The following HEXB variants were observed in gnomAD, a reference collection of about 807,000 sequenced individuals.
HEXB encodes the protein beta-hexosaminidase subunit beta.
Under a neutral mutation model 71.2 loss-of-function variants are expected in HEXB, and 51 were observed. That is an observed-to-expected ratio of 0.72 (90% CI 0.57 to 0.90). The LOEUF (loss-of-function observed/expected upper bound fraction) is 0.90. Ranked by LOEUF, HEXB falls within the 40% of genes least tolerant of loss-of-function variation. The probability of loss-of-function intolerance (pLI) is 0.00; values close to 1 mark genes in which losing one functional copy is unlikely to be tolerated. For synonymous variants in HEXB, 266 were observed against 249.3 expected (o/e 1.07, Z -0.63); for missense variants, 617 against 677.0 (o/e 0.91, Z 0.98).
intron 2 of HEXB, among the ~76,000 whole-genome samples, chr5:74,690,905 T>C (rs1748988253): frequency 1.3e-5 from 2 of 152,130 alleles, no homozygotes; most frequent in Non-Finnish European, 2.9e-5. Flanking sequence ...TCATTTCAAT[T>C]GATACTCAGC....
At chr5:74,674,594 A>G (rs573728993) in intron 1 of HEXB, among the ~76,000 whole-genome samples, 9 of 137,356 alleles carry the variant, frequency 6.6e-5, no homozygotes, top group African/African-American at 2.0e-4. Context: ...ACAGAGCAAG[A>G]CTCTGTCTCA....
At chr5:74,668,892 T>G (rs1454093541) in intron 1 of HEXB, among the ~76,000 whole-genome samples, 3 of 152,242 alleles carry the variant, frequency 2.0e-5, no homozygotes, top group Non-Finnish European at 4.4e-5. Context: ...TTGCATTTCC[T>G]TATTTGGATG....
At chr5:74,714,183 T>C (rs1579951127) in intron 7 of HEXB, among the ~76,000 whole-genome samples, 1 of 152,336 alleles carries the variant, frequency 6.6e-6, no homozygotes, top group East Asian at 1.9e-4. Flanking sequence ...AGGTATTGCA[T>C]TTCTTATTTT....
intron 1 of HEXB, among the ~76,000 whole-genome samples, chr5:74,659,753 G>A (rs1020399095): frequency 2.6e-5 from 4 of 152,140 alleles, no homozygotes; most frequent in Non-Finnish European, 5.9e-5. Flanking sequence ...GGGGACTTCA[G>A]CAAAAACTAA....
intron 5 of HEXB, among the ~76,000 whole-genome samples, chr5:74,698,957 G>A (rs1749182647): frequency 6.6e-6 from 1 of 152,012 alleles, no homozygotes; most frequent in East Asian, 2.0e-4. Flanking sequence ...GGTGGAGGCA[G>A]GTGGATCATT....
At chr5:74,674,605 G>GAA (rs1199567534) in intron 1 of HEXB, among the ~76,000 whole-genome samples, 67 of 94,868 alleles carry the variant, frequency 7.1e-4, no homozygotes, top group East Asian at 9.8e-4. Context: ...CTCTGTCTCA[G>GAA]AAAAAAAAAA....
intron 11 of HEXB, 115 bp from the exon 12 acceptor site, chr5:74,720,313 C>A (rs1015028173): frequency 3.1e-5 from 26 of 830,672 alleles, no homozygotes; most frequent in Non-Finnish European, 4.6e-5. Flanking sequence ...GTCCTGCTAA[C>A]CACGGGCAAG....
At chr5:74,716,939 C>T (rs576166642) in intron 9 of HEXB, 5 of 282,982 alleles carry the variant, frequency 1.8e-5, no homozygotes, top group East Asian at 9.1e-5. Flanking sequence ...CCTGTAATCC[C>T]GGCACTTTGG....
chr5:74,683,234 C>T (rs561003864), upstream of HEXB, among the ~76,000 whole-genome samples: 5 of 151,936 alleles, frequency 3.3e-5, no homozygotes, highest in South Asian at 2.1e-4. Context: ...CAGAAAGACA[C>T]GGCAAGATTA....
At chr5:74,676,262 T>A (rs986557750) in intron 1 of HEXB, among the ~76,000 whole-genome samples, 1 of 152,208 alleles carries the variant, frequency 6.6e-6, no homozygotes, top group Non-Finnish European at 1.5e-5. Flanking sequence ...GGAGCATAGA[T>A]TCAAATTGCC....
chr5:74,705,689 TTCTC>T (rs1458733198), intron 6 of HEXB: 2 of 253,186 alleles, frequency 7.9e-6, no homozygotes, highest in African/African-American at 2.3e-5. Flanking sequence ...ATGACTATTT[TTCTC>T]TCTGAGAAAC....
chr5:74,682,404 C>T (rs1051238877), upstream of HEXB, among the ~76,000 whole-genome samples: 4 of 152,052 alleles, frequency 2.6e-5, no homozygotes, highest in African/African-American at 9.7e-5. Flanking sequence ...CCAGCACTAG[C>T]CAAGCCTAAA....
rs769012312 is a variant in HEXB, at chr5:74,721,187, G to A, written c.*12G>A. On this transcript the variant is annotated 3_prime_UTR_variant, in exon 14 of 14. Coordinates refer to ENST00000261416, the MANE Select transcript of HEXB (RefSeq NM_000521.4). ...ATGAGAACATGTAAAAAATGGAGGG[G>A]AAAAAGGCCACAGCAATCTGTACTA... is the stretch of plus-strand genomic sequence containing the variant. The A allele has an allele frequency of 6.2e-7, 1 of 1,604,560 alleles. No individual in the cohort carries two copies. Among genetic ancestry groups the A allele is most frequent in the South Asian group, 1.1e-5 (1 of 90,862 alleles).
At chr5:74,644,764 CTTTTTTTTTTTTT>C (rs3058406) in intron 1 of HEXB, among the ~76,000 whole-genome samples, 1 of 72,936 alleles carries the variant, frequency 1.4e-5, no homozygotes, top group Non-Finnish European at 2.3e-5. Context: ...CTTTTTTTTC[CTTTTTTTTTTTTT>C]TTTTTTTTTT....
Position 74,718,887 on chromosome 5 carries a change from C to G in HEXB, c.1333C>G (p.Leu445Val), listed in dbSNP as rs751186581. 1.2e-6 allele frequency: 2 copies of G among 1,613,856 alleles called. No individual in the cohort carries two copies. The highest frequency in any genetic ancestry group is 1.7e-5 in the Admixed American group (1 of 59,994). Residue 445 changes from leucine to valine, a missense_variant, in exon 11 of 14, where the codon CTT (leucine) becomes GTT (valine). By Grantham distance (32) the Leu-to-Val change is conservative (BLOSUM62 1). Coordinates refer to ENST00000261416, the MANE Select transcript of HEXB (RefSeq NM_000521.4). ...RVTASGFPVI[L>V]SAPWYLDLIS... ...CACAGCATCTGGCTTCCCTGTAATC[C>G]TTTCTGCTCCTTGGTACTTAGATTT...
chr5:74,701,050 A>ATTT (rs1192368441), intron 5 of HEXB, among the ~76,000 whole-genome samples: 1 of 137,250 alleles, frequency 7.3e-6, no homozygotes, highest in African/African-American at 2.7e-5. Flanking sequence ...CCCTGCTAAC[A>ATTT]TTTTTTTTTT....
chr5:74,672,480 C>T lies in HEXB; in HGVS notation c.-376-16848C>T, dbSNP rs113831529. ...TCACTCCATGCCCCAGAGTCAGATC[C>T]ACAGCCTCTGAAGCTATAGACCACA... On this transcript the variant is annotated intron_variant, in intron 1 of 13. Transcript: ENST00000511181. 6.0e-3 allele frequency among the ~76,000 whole-genome samples: 918 copies of T among 152,314 alleles called. 7 individuals carry two copies. Among genetic ancestry groups the T allele is most frequent in the African/African-American group, 0.02 (840 of 41,548 alleles).
At chr5:74,665,525 A>G (rs1748417330) in intron 1 of HEXB, among the ~76,000 whole-genome samples, 1 of 152,186 alleles carries the variant, frequency 6.6e-6, no homozygotes, top group African/African-American at 2.4e-5. Context: ...CACATGTTAA[A>G]AACATCTTCT....
chr5:74,705,492 T>G (rs1749364941), intron 6 of HEXB, 172 bp downstream of exon 6: 1 of 606,780 alleles, frequency 1.6e-6, no homozygotes, highest in Non-Finnish European at 2.9e-6. Flanking sequence ...AAAACTTTTT[T>G]TGTTATTGTT....
Sources: allele counts gnomAD v4.1 joint callset (sites outside exome capture counted in the v4.1 genomes callset), GRCh38; gene constraint gnomAD v4.1.1; transcripts MANE v1.5; gene names NCBI Gene and HGNC (gene_info 2026-07-23, HGNC 2026-07-21).